DCBLD1: variants seen among roughly 807,000 people sequenced by gnomAD.
DCBLD1 encodes discoidin, CUB and LCCL domain-containing protein 1.
In DCBLD1, 57 loss-of-function variants were observed where a neutral mutation model predicts 71.5. The observed-to-expected ratio is 0.80, with a 90% CI of 0.64 to 0.99. The LOEUF (loss-of-function observed/expected upper bound fraction) is 0.99, where lower values mean the gene tolerates loss of function less well. Ranked by LOEUF, DCBLD1 falls within the 50% of genes least tolerant of loss-of-function variation. The pLI is 0.00. For missense variants in DCBLD1, 891 were observed against 923.5 expected, an observed-to-expected ratio of 0.96 and a Z score of 0.46; for synonymous variants, 380 against 363.8, an observed-to-expected ratio of 1.04 and a Z score of -0.51.
chr6:117,512,483 G>A (rs1327766078), intron 2 of DCBLD1, among the ~76,000 whole-genome samples: 1 of 152,152 alleles, frequency 6.6e-6, no homozygotes, highest in Non-Finnish European at 1.5e-5. Flanking sequence ...CAATTAGCAA[G>A]CAAGGACAAA....
At position 117,545,541 on chromosome 6, in the gene DCBLD1, A is replaced by G; in HGVS notation, c.1559A>G (p.Tyr520Cys). Residue 520 changes from tyrosine (Y) to cysteine (C), a missense_variant, in exon 14 of 15, where the codon TAT (tyrosine) becomes TGT (cysteine). Tyr to Cys is a radical substitution (Grantham distance 194). Transcript: ENST00000338728. ...RHQSAEFTISYDNEKEMTQKL... is the reference protein window; with the variant it reads ...RHQSAEFTISCDNEKEMTQKL... ...CAGTCAGCTGAGTTTACCATCAGCT[A>G]TGATAATGAGAAGGAGATGACACAA... 12 of 1,614,196 alleles carry G rather than the reference A, an allele frequency of 7.4e-6. No individual in the cohort carries two copies. The highest frequency in any genetic ancestry group is 6.6e-5 in the South Asian group (6 of 91,080).
chr6:117,537,509 G>T (rs1394215776), intron 7 of DCBLD1, among the ~76,000 whole-genome samples: 5 of 150,624 alleles, frequency 3.3e-5, no homozygotes, highest in Non-Finnish European at 7.4e-5. Flanking sequence ...ACTCCAGCCT[G>T]GGTAACAGAG....
At chr6:117,520,651 A>G (rs1778355469) in intron 3 of DCBLD1, among the ~76,000 whole-genome samples, 1 of 152,182 alleles carries the variant, frequency 6.6e-6, no homozygotes, top group Admixed American at 6.5e-5. Context: ...AGGGAAGGGA[A>G]ACACGAACAC....
chr6:117,531,143 A>G (rs1266759487), intron 5 of DCBLD1, among the ~76,000 whole-genome samples: 1 of 152,172 alleles, frequency 6.6e-6, no homozygotes, highest in African/African-American at 2.4e-5. Flanking sequence ...TAGTCCTTAT[A>G]CTGTTGTAAC....
At position 117,538,793 on chromosome 6, in the gene DCBLD1, G is replaced by C; in HGVS notation, c.934G>C (p.Glu312Gln). The change falls in exon 8 of 15, where the codon GAG (glutamate) becomes CAG (glutamine). Residue 312 changes from glutamate (E) to glutamine (Q), a missense_variant. Coordinates refer to ENST00000338728, the MANE Select transcript of DCBLD1 (RefSeq NM_001366458.2). ...CAGTAGCAACAACCACAAACCACGAGAGTGGCTGGAGATCGATTTGGGGGA... is the reference window on the plus strand; with the variant it reads ...CAGTAGCAACAACCACAAACCACGACAGTGGCTGGAGATCGATTTGGGGGA... ...GDSSNNHKPR[E>Q]WLEIDLGEKK... 6.2e-7 allele frequency: 1 copy of C among 1,614,118 alleles called. No homozygotes were observed. The highest frequency in any genetic ancestry group is 8.5e-7 in the Non-Finnish European group (1 of 1,179,998).
intron 5 of DCBLD1, among the ~76,000 whole-genome samples, chr6:117,528,664 C>T (rs1778618938): frequency 1.3e-5 from 2 of 152,186 alleles, no homozygotes; most frequent in Admixed American, 1.3e-4. Flanking sequence ...CTGCAATTGC[C>T]TGAGGCATGA....
At chr6:117,558,447 A>G (rs1016135278) in intron 14 of DCBLD1, among the ~76,000 whole-genome samples, 17 of 152,052 alleles carry the variant, frequency 1.1e-4, no homozygotes, top group Admixed American at 8.5e-4. Context: ...CAATTTAATA[A>G]TTTTTTCCAA....
Position 117,543,790 on chromosome 6 carries a change from TAA to T in DCBLD1, c.1445+582_1445+583del, listed in dbSNP as rs1189098171. ...ATCTGTGCTTCTCCTCCCTGAAGAG[TAA>T]AAGGAATATTAAATAGGCTGCTTGG... On this transcript the variant is annotated intron_variant, in intron 12 of 14. Coordinates refer to ENST00000338728, the MANE Select transcript of DCBLD1 (RefSeq NM_001366458.2). 5.9e-5 allele frequency among the ~76,000 whole-genome samples: 9 copies of T among 152,184 alleles called. No homozygotes were observed. The East Asian group carries it at 1.7e-3, about 29-fold the overall frequency.
chr6:117,531,097 T>C (rs1337501788), intron 5 of DCBLD1, among the ~76,000 whole-genome samples: 1 of 152,210 alleles, frequency 6.6e-6, no homozygotes, highest in East Asian at 1.9e-4. Flanking sequence ...TTCTCAACTT[T>C]ATTGCAACTA....
intron 2 of DCBLD1, among the ~76,000 whole-genome samples, chr6:117,514,701 A>T (rs1778132833): frequency 6.6e-6 from 1 of 151,944 alleles, no homozygotes; most frequent in African/African-American, 2.4e-5. Context: ...AAAGGGATTG[A>T]TGTCTGTGTG....
chr6:117,550,331 A>G (rs140187473), downstream of DCBLD1, among the ~76,000 whole-genome samples: 972 of 152,298 alleles, frequency 6.4e-3, 11 homozygotes, highest in African/African-American at 0.022. Context: ...TAAACCCTAC[A>G]CAGCTAAACC....
intron 1 of DCBLD1, 102 bp from the exon 2 acceptor site, chr6:117,503,665 A>G: frequency 7.6e-7 from 1 of 1,310,120 alleles, no homozygotes; most frequent in Non-Finnish European, 1.1e-6. Context: ...TCTGCCCAAA[A>G]ACAATAAAAT....
intron 6 of DCBLD1, among the ~76,000 whole-genome samples, chr6:117,533,263 C>G (rs1308241080): frequency 6.6e-6 from 1 of 152,124 alleles, no homozygotes; most frequent in Non-Finnish European, 1.5e-5. Context: ...GTTTTGGGAT[C>G]CAGAAGTGGG....
At chr6:117,510,950 G>T (rs1777999285) in intron 2 of DCBLD1, among the ~76,000 whole-genome samples, 1 of 152,200 alleles carries the variant, frequency 6.6e-6, no homozygotes, top group Non-Finnish European at 1.5e-5. Context: ...TAACAGCCCT[G>T]TGAGATAGGT....
chr6:117,525,452 A>T lies in DCBLD1; in HGVS notation c.585+18A>T, dbSNP rs200777402. ...ATAGAGATGTAAGTAATTGAGGGTA[A>T]TGGCAGAGAATGAATTAAAAGGAGT... is the stretch of plus-strand genomic sequence containing the variant. On this transcript the variant is annotated intron_variant, in intron 5 of 14. Coordinates refer to ENST00000338728, the MANE Select transcript of DCBLD1 (RefSeq NM_001366458.2). 130 of 1,446,268 alleles carry T rather than the reference A, an allele frequency of 9.0e-5. No homozygotes were observed. The highest frequency in any genetic ancestry group is 1.2e-4 in the Non-Finnish European group (127 of 1,095,834). 89.6% of individuals were successfully genotyped at this position (1,446,268 alleles called of 1,614,324 possible).
intron 1 of DCBLD1, among the ~76,000 whole-genome samples, chr6:117,497,183 A>T (rs1186893090): frequency 1.3e-5 from 2 of 152,008 alleles, no homozygotes; most frequent in East Asian, 3.9e-4. Context: ...ACAGAGCAAG[A>T]CTCCGTCTCA....
intron 5 of DCBLD1, among the ~76,000 whole-genome samples, chr6:117,531,669 GC>G (rs1335314720): frequency 6.6e-6 from 1 of 152,178 alleles, no homozygotes; most frequent in Non-Finnish European, 1.5e-5. Flanking sequence ...ACTTCGTTAA[GC>G]TTTCTGTTCC....
chr6:117,519,885 T>C lies in DCBLD1; in HGVS notation c.395T>C (p.Phe132Ser), dbSNP rs1254472389. Residue 132 changes from phenylalanine to serine, a missense_variant, in exon 3 of 15, where the codon TTT becomes TCT. Phe to Ser is a radical substitution (Grantham distance 155). Transcript: ENST00000338728. ...LLNTSEVTVR[F>S]ESGSHISGRG... ...AACACAAGTGAAGTAACCGTCCGCT[T>C]TGAGAGTGGATCCCACATTTCTGGC... is the stretch of plus-strand genomic sequence containing the variant. 5 of 1,614,168 alleles carry C rather than the reference T, an allele frequency of 3.1e-6. No homozygotes were observed. Among genetic ancestry groups the C allele is most frequent in the Non-Finnish European group, 4.2e-6 (5 of 1,179,998 alleles).
chr6:117,548,214 C>T lies in DCBLD1; in HGVS notation c.1923C>T (p.Pro641=), dbSNP rs970444768. The change falls in exon 15 of 15, where the codon CCC becomes CCT. Residue 641 remains proline, a synonymous_variant. Coordinates refer to ENST00000338728, the MANE Select transcript of DCBLD1 (RefSeq NM_001366458.2). ...CCCTCTCCTCGGGCGGCTTCTCCCC[C>T]GTAGCGGGTGTGGGCGCCCAGGACG... ...KHSLSSGGFS[P]VAGVGAQDGD... The T allele has an allele frequency of 3.9e-6, 6 of 1,550,578 alleles. No homozygotes were observed. The highest frequency in any genetic ancestry group is 5.2e-6 in the Non-Finnish European group (6 of 1,146,988).
Sources: gnomAD v4.1 joint callset for allele counts (sites outside exome capture counted in the v4.1 genomes callset) on GRCh38, gnomAD v4.1.1 for gene constraint, MANE v1.5 for transcripts, NCBI Gene and HGNC (gene_info 2026-07-23, HGNC 2026-07-21) for gene names.